Variants in LIMA1 observed in about 807,000 individuals in gnomAD.
LIMA1 encodes the protein LIM domain and actin-binding protein 1.
LIMA1 carries 52 observed loss-of-function variants against 62.6 expected under a neutral mutation model. That is an observed-to-expected ratio of 0.83 (90% CI 0.67 to 1.05). LIMA1 has a LOEUF of 1.05. Among genes scored for constraint, LIMA1 ranks in the 50% least tolerant of loss-of-function variants. The pLI is 0.00. For missense variants in LIMA1, 780 were observed against 902.2 expected, an observed-to-expected ratio of 0.86 and a Z score of 1.74; for synonymous variants, 302 against 317.8, an observed-to-expected ratio of 0.95 and a Z score of 0.53.
chr12:50,180,888 G>A (rs1940484613), intron 10 of LIMA1, among the ~76,000 whole-genome samples: 1 of 151,940 alleles, frequency 6.6e-6, no homozygotes. Context: ...CGAGGCGGGT[G>A]GATCACGAGG....
At chr12:50,185,452 G>A (rs1351971840) in intron 9 of LIMA1, 1 of 456,086 alleles carries the variant, frequency 2.2e-6, no homozygotes, top group Admixed American at 2.3e-5. Context: ...GCAGAAGCTG[G>A]AAGAGACAAA....
At chr12:50,269,939 A>T (rs1294663638) in intron 1 of LIMA1, among the ~76,000 whole-genome samples, 1 of 147,714 alleles carries the variant, frequency 6.8e-6, no homozygotes, top group African/African-American at 2.5e-5. Flanking sequence ...AAAAAAAAAA[A>T]AAAAATTTAA....
intron 1 of LIMA1, among the ~76,000 whole-genome samples, chr12:50,263,903 G>GTA (rs57637973): frequency 0.27 from 37,327 of 136,776 alleles, 5,715 homozygotes; most frequent in East Asian, 0.62. Context: ...TATAAAGTAT[G>GTA]TATATATATA....
chr12:50,195,960 T>A, intron 7 of LIMA1, 73 bp from the exon 8 acceptor site: 2 of 1,450,614 alleles, frequency 1.4e-6, no homozygotes, highest in Non-Finnish European at 9.1e-7. Flanking sequence ...AGCAAACTGC[T>A]GTTAATGCCA....
At chr12:50,215,380 CA>C (rs920379248) in intron 4 of LIMA1, among the ~76,000 whole-genome samples, 1 of 152,118 alleles carries the variant, frequency 6.6e-6, no homozygotes, top group African/African-American at 2.4e-5. Flanking sequence ...AGGTCACAAA[CA>C]AGAGAAAAGG....
rs193135562 is a variant in LIMA1 at position 50,253,507 on chromosome 12, C to T, written c.-23-4733G>A. Among the ~76,000 whole-genome samples the T allele has an allele frequency of 2.0e-4, 31 of 152,228 alleles. No individual in the cohort carries two copies. The East Asian group carries it at 5.2e-3, about 26-fold the overall frequency. On this transcript the variant is annotated intron_variant, in intron 1 of 10. Transcript: ENST00000341247. ...ACAATTAATGAAGAATGATTAAAAC[C>T]GCCACTTTTAGCCAATGTAGAAAAC...
intron 3 of LIMA1, among the ~76,000 whole-genome samples, chr12:50,225,446 T>C (rs115808442): frequency 0.014 from 2,128 of 152,354 alleles, 46 homozygotes; most frequent in African/African-American, 0.049. Flanking sequence ...TTTTGTACAC[T>C]ATATGTATTT....
chr12:50,256,289 T>C (rs1941996745), intron 1 of LIMA1: 1 of 152,102 alleles, frequency 6.6e-6, no homozygotes, highest in Non-Finnish European at 1.5e-5. Context: ...ACAGGGACCA[T>C]GCTAATCTTC....
chr12:50,188,307 T>G (rs1046027328), intron 9 of LIMA1: 1 of 152,200 alleles, frequency 6.6e-6, no homozygotes, highest in East Asian at 1.9e-4. Flanking sequence ...CTGTTCATAG[T>G]CTGCAGCCAT....
intron 3 of LIMA1, among the ~76,000 whole-genome samples, chr12:50,227,064 T>C (rs1424240676): frequency 6.6e-6 from 1 of 151,826 alleles, no homozygotes; most frequent in Admixed American, 6.6e-5. Context: ...ATATAGATTA[T>C]AGTATCAACA....
At chr12:50,201,570 G>A (rs1483972084) in intron 6 of LIMA1, 29 of 962,820 alleles carry the variant, frequency 3.0e-5, no homozygotes, top group Non-Finnish European at 3.3e-5. Flanking sequence ...ACACTGGGGT[G>A]AATATTACAA....
intron 1 of LIMA1, among the ~76,000 whole-genome samples, chr12:50,257,670 TTTTCTTC>T (rs1942015301): frequency 6.6e-6 from 1 of 152,218 alleles, no homozygotes; most frequent in African/African-American, 2.4e-5. Context: ...GGAACTCTCT[TTTTCTTC>T]CTCTGACCCC....
intron 1 of LIMA1, among the ~76,000 whole-genome samples, chr12:50,272,722 T>C (rs887488581): frequency 6.6e-6 from 1 of 151,932 alleles, no homozygotes; most frequent in African/African-American, 2.4e-5. Context: ...ATTTGGCTAC[T>C]TATCTGGACC....
intron 3 of LIMA1, among the ~76,000 whole-genome samples, chr12:50,226,835 A>G (rs1156946115): frequency 6.8e-6 from 1 of 146,636 alleles, no homozygotes; most frequent in African/African-American, 2.6e-5. Context: ...AAGATTCCAT[A>G]TGAAAAAAAA....
rs775858113 is a variant in LIMA1, at chr12:50,222,015, T to C, written c.630+6A>G. ...TTCTCAAGTTTCAAACCCGCCCAAT[T>C]CTTACCTTAGTTTGAGTTGGTTCAC... is the stretch of plus-strand genomic sequence containing the variant. On this transcript the variant is annotated splice_donor_region_variant and intron_variant, in intron 4 of 10. Transcript: ENST00000341247. 1.9e-6 allele frequency: 3 copies of C among 1,601,990 alleles called. No individual in the cohort carries two copies. In the Admixed American group the frequency reaches 5.1e-5, roughly 27 times the overall value.
chr12:50,185,964 C>G (rs1940621518), intron 9 of LIMA1: 1 of 153,722 alleles, frequency 6.5e-6, no homozygotes, highest in African/African-American at 2.4e-5. Flanking sequence ...AGGGCCCCTT[C>G]TAGTTTCATA....
chr12:50,273,662 T>C (rs540274387), intron 1 of LIMA1, among the ~76,000 whole-genome samples: 1 of 152,366 alleles, frequency 6.6e-6, no homozygotes, highest in African/African-American at 2.4e-5. Flanking sequence ...AGAAACCTTT[T>C]GTTTAAAGCT....
intron 3 of LIMA1, chr12:50,222,815 A>G (rs1941470483): frequency 4.5e-6 from 3 of 661,704 alleles, no homozygotes; most frequent in Non-Finnish European, 2.1e-6. Context: ...TTAATGGGGA[A>G]AAAAACAAGA....
chr12:50,250,494 G>A (rs1941915242), intron 1 of LIMA1, among the ~76,000 whole-genome samples: 1 of 142,538 alleles, frequency 7.0e-6, no homozygotes, highest in African/African-American at 2.7e-5. Context: ...AGGCCCAGGA[G>A]TTGGAGGCTA....
Sources: allele counts gnomAD v4.1 joint callset (sites outside exome capture counted in the v4.1 genomes callset), GRCh38; gene constraint gnomAD v4.1.1; transcripts MANE v1.5; gene names NCBI Gene and HGNC (gene_info 2026-07-23, HGNC 2026-07-21).